The following CAST variants were observed in gnomAD, a reference collection of about 807,000 sequenced individuals.
CAST encodes the protein MIR583 host.
CAST carries 76 observed loss-of-function variants against 119.6 expected under a neutral mutation model. The ratio of observed to expected loss-of-function variants is 0.64; its 90% CI spans 0.53 to 0.77. CAST has a LOEUF of 0.77. CAST is among the 30% of genes least tolerant of loss of function. The pLI, the probability that CAST is intolerant of heterozygous loss-of-function variation, is 0.00. For synonymous variants in CAST, 319 were observed against 331.6 expected (o/e 0.96, Z 0.41); for missense variants, 953 against 946.5 (o/e 1.01, Z -0.09).
chr5:96,299,887 T>C, the CAST span, among the ~76,000 whole-genome samples: 1 of 152,220 alleles, frequency 6.6e-6, no homozygotes, highest in Non-Finnish European at 1.5e-5. Flanking sequence ...ATCCATCACC[T>C]CAAATATTTA....
chr5:96,423,657 G>A, the CAST span, among the ~76,000 whole-genome samples: 12 of 152,268 alleles, frequency 7.9e-5, no homozygotes, highest in South Asian at 6.2e-4. Flanking sequence ...CTCTTCTCCC[G>A]ATTGTCCCAA....
chr5:96,130,493 TTTAA>T, the CAST span, among the ~76,000 whole-genome samples: 1 of 151,596 alleles, frequency 6.6e-6, no homozygotes, highest in Non-Finnish European at 1.5e-5. Flanking sequence ...AAATATGGAC[TTTAA>T]TTAACAATAA....
At chr5:96,284,495 C>CT in the CAST span, among the ~76,000 whole-genome samples, 1 of 152,132 alleles carries the variant, frequency 6.6e-6, no homozygotes, top group Non-Finnish European at 1.5e-5. Flanking sequence ...TATTTTGGGG[C>CT]TCCCAGGGAC....
chr5:95,984,942 G>A, the CAST span, among the ~76,000 whole-genome samples: 1 of 149,686 alleles, frequency 6.7e-6, no homozygotes, highest in Non-Finnish European at 1.5e-5. Context: ...ATTATATGTT[G>A]AATGATATTT....
At chr5:96,290,965 C>T in the CAST span, among the ~76,000 whole-genome samples, 19 of 152,210 alleles carry the variant, frequency 1.2e-4, no homozygotes, top group African/African-American at 4.6e-4. Flanking sequence ...TTCCACCTTG[C>T]CTTCTCTTGA....
the CAST span, among the ~76,000 whole-genome samples, chr5:96,130,178 C>A: frequency 6.6e-6 from 1 of 151,852 alleles, no homozygotes; most frequent in Non-Finnish European, 1.5e-5. Flanking sequence ...TCATCACCAA[C>A]AATGCTAAGT....
At chr5:96,370,617 G>C in the CAST span, among the ~76,000 whole-genome samples, 1 of 151,262 alleles carries the variant, frequency 6.6e-6, no homozygotes, top group South Asian at 2.2e-4. Context: ...GGTAGGCCTG[G>C]AAGTCAACAG....
chr5:96,425,599 A>G, the CAST span, among the ~76,000 whole-genome samples: 1 of 152,070 alleles, frequency 6.6e-6, no homozygotes, highest in African/African-American at 2.4e-5. Flanking sequence ...AATACAACCT[A>G]TTTTTTTCAC....
chr5:96,598,665 G>T (rs1255295284), intron 1 of CAST, among the ~76,000 whole-genome samples: 2 of 152,132 alleles, frequency 1.3e-5, no homozygotes, highest in Non-Finnish European at 1.5e-5. Flanking sequence ...TGGGCCATGG[G>T]GTGCCCAGGT....
chr5:96,320,300 T>C, the CAST span, among the ~76,000 whole-genome samples: 40 of 144,150 alleles, frequency 2.8e-4, no homozygotes, highest in African/African-American at 9.5e-4. Context: ...TGCAATGGCA[T>C]GATCTCAGCT....
the CAST span, among the ~76,000 whole-genome samples, chr5:96,149,719 A>G: frequency 6.6e-6 from 1 of 152,234 alleles, no homozygotes; most frequent in Admixed American, 6.5e-5. Context: ...CAGAACTGGC[A>G]TTGCATGTCT....
chr5:96,075,832 G>C, the CAST span, among the ~76,000 whole-genome samples: 1 of 152,150 alleles, frequency 6.6e-6, no homozygotes, highest in African/African-American at 2.4e-5. Context: ...ATGAAACACT[G>C]TCTCATTTCC....
chr5:96,472,405 CT>C, the CAST span, among the ~76,000 whole-genome samples: 2 of 152,166 alleles, frequency 1.3e-5, no homozygotes, highest in Admixed American at 6.6e-5. Flanking sequence ...GATTGGTTAA[CT>C]GATTTTGCTC....
At chr5:96,529,844 T>G in exon 1 of CAST, 1 of 434,478 alleles carries the variant, frequency 2.3e-6, no homozygotes, top group South Asian at 1.6e-5. Flanking sequence ...CTGCCATGAT[T>G]GTAAGTTTCC....
the CAST span, among the ~76,000 whole-genome samples, chr5:96,008,108 A>G: frequency 1.1e-4 from 16 of 152,346 alleles, no homozygotes; most frequent in East Asian, 2.5e-3. Context: ...TAAAACTGTA[A>G]GAAATAAATG....
the CAST span, among the ~76,000 whole-genome samples, chr5:96,127,798 C>A: frequency 6.6e-6 from 1 of 152,050 alleles, no homozygotes; most frequent in African/African-American, 2.4e-5. Flanking sequence ...AAATATAAAT[C>A]TAATTTTTAT....
chr5:96,737,819 A>T (rs1205515164), intron 10 of CAST, 30 bp from the exon 11 acceptor site: 3 of 1,260,366 alleles, frequency 2.4e-6, no homozygotes, highest in Non-Finnish European at 3.4e-6. Flanking sequence ...ATAACAAATA[A>T]CATTTAAATA....
chr5:96,692,083 A>G (rs1318400253), intron 2 of CAST, among the ~76,000 whole-genome samples: 1 of 152,232 alleles, frequency 6.6e-6, no homozygotes. Flanking sequence ...GCAATATCAT[A>G]TAAAAATGAG....
At chr5:96,183,480 T>C in the CAST span, among the ~76,000 whole-genome samples, 1 of 152,166 alleles carries the variant, frequency 6.6e-6, no homozygotes, top group African/African-American at 2.4e-5. Context: ...AGAGATCCCT[T>C]AAAAGCTATT....
Sources: allele counts gnomAD v4.1 joint callset (sites outside exome capture counted in the v4.1 genomes callset), GRCh38; gene constraint gnomAD v4.1.1; transcripts MANE v1.5; gene names NCBI Gene and HGNC (gene_info 2026-07-23, HGNC 2026-07-21).